ADCY1: variants seen among roughly 807,000 people sequenced by gnomAD.
ADCY1 encodes adenylate cyclase 1.
ADCY1 carries 28 observed loss-of-function variants against 105.4 expected under a neutral mutation model. The ratio of observed to expected loss-of-function variants is 0.27; its 90% CI spans 0.20 to 0.36. The LOEUF (loss-of-function observed/expected upper bound fraction) is 0.36, where lower values mean the gene tolerates loss of function less well. ADCY1 is among the 10% of genes least tolerant of loss of function. ADCY1 has a pLI of 1.00. For synonymous variants in ADCY1, 655 were observed against 623.8 expected (o/e 1.05, Z -0.75); for missense variants, 977 against 1,434.2 (o/e 0.68, Z 5.15).
chr7:45,614,818 A>G (rs1793694005), intron 3 of ADCY1, among the ~76,000 whole-genome samples: 1 of 152,244 alleles, frequency 6.6e-6, no homozygotes, highest in Non-Finnish European at 1.5e-5. Flanking sequence ...GTCAGCTCCC[A>G]GGAAGATAAA....
At position 45,719,538 on chromosome 7, in the gene ADCY1, T is replaced by C. The variant is rs185958251; in HGVS notation, c.*5543T>C. On this transcript the variant is annotated 3_prime_UTR_variant, in exon 20 of 20. Transcript: ENST00000297323. ...TGTATTTTTAAATTTCCCTGAAAAT[T>C]TAATCTATTCTGTTCCATATGAAGT... 1.6e-4 allele frequency: 24 copies of C among 152,342 alleles called. No individual in the cohort carries two copies. In the East Asian group the frequency reaches 1.9e-3, roughly 12 times the overall value. 9.4% of individuals were successfully genotyped at this position (152,342 alleles called of 1,614,324 possible).
intron 3 of ADCY1, among the ~76,000 whole-genome samples, chr7:45,610,814 A>G (rs1793538735): frequency 1.4e-5 from 2 of 143,294 alleles, no homozygotes; most frequent in Admixed American, 7.0e-5. Context: ...GTGATGGTGG[A>G]GGTATGGAGG....
intron 8 of ADCY1, among the ~76,000 whole-genome samples, chr7:45,670,278 T>C (rs1470852812): frequency 6.6e-6 from 1 of 152,194 alleles, no homozygotes; most frequent in South Asian, 2.1e-4. Flanking sequence ...GAAGGACGGC[T>C]ACCTTCCTCT....
chr7:45,596,581 G>T (rs767305097), intron 2 of ADCY1, among the ~76,000 whole-genome samples: 5 of 152,214 alleles, frequency 3.3e-5, no homozygotes, highest in Non-Finnish European at 7.3e-5. Flanking sequence ...CCCTGGTCCT[G>T]GGAGCCGATG....
chr7:45,667,103 C>A (rs1162284037), intron 8 of ADCY1, among the ~76,000 whole-genome samples: 1 of 152,196 alleles, frequency 6.6e-6, no homozygotes. Flanking sequence ...CTGGTAGTTT[C>A]TTTTGCTGTG....
At chr7:45,678,600 C>A (rs1232667131) in intron 10 of ADCY1, among the ~76,000 whole-genome samples, 1 of 151,612 alleles carries the variant, frequency 6.6e-6, no homozygotes, top group East Asian at 1.9e-4. Flanking sequence ...TAGCTTTTGG[C>A]TGGGTGTAGT....
intron 4 of ADCY1, among the ~76,000 whole-genome samples, chr7:45,629,081 G>A (rs1391296388): frequency 3.3e-5 from 5 of 152,114 alleles, no homozygotes; most frequent in African/African-American, 9.7e-5. Flanking sequence ...TAGACCCTTC[G>A]CAATCCCTGT....
intron 1 of ADCY1, among the ~76,000 whole-genome samples, chr7:45,586,729 T>C (rs543114678): frequency 1.3e-5 from 2 of 152,244 alleles, no homozygotes; most frequent in South Asian, 4.1e-4. Context: ...GGGGGCTCAG[T>C]CAGGGAGGGG....
intron 4 of ADCY1, among the ~76,000 whole-genome samples, chr7:45,633,082 T>C (rs1224401340): frequency 6.6e-6 from 1 of 152,136 alleles, no homozygotes; most frequent in East Asian, 1.9e-4. Context: ...CATGCCTGGC[T>C]AATTTTTGTA....
intron 8 of ADCY1, 87 bp downstream of exon 8, chr7:45,662,301 G>A: frequency 7.1e-7 from 1 of 1,416,150 alleles, no homozygotes; most frequent in African/African-American, 1.4e-5. Flanking sequence ...CGTGCCATTT[G>A]GCTAGATCAG....
At chr7:45,586,600 T>C (rs1792732709) in intron 1 of ADCY1, among the ~76,000 whole-genome samples, 1 of 152,108 alleles carries the variant, frequency 6.6e-6, no homozygotes, top group Non-Finnish European at 1.5e-5. Context: ...AGCAATTACG[T>C]TAATTTAAAA....
chr7:45,578,236 G>A (rs1169577242), intron 1 of ADCY1, among the ~76,000 whole-genome samples: 1 of 152,164 alleles, frequency 6.6e-6, no homozygotes, highest in Non-Finnish European at 1.5e-5. Flanking sequence ...AGTGCTTGAT[G>A]CTGATGTCCC....
intron 8 of ADCY1, among the ~76,000 whole-genome samples, chr7:45,676,104 A>C (rs1784451968): frequency 1.3e-5 from 2 of 150,528 alleles, no homozygotes; most frequent in Admixed American, 6.6e-5. Flanking sequence ...AATTTCTGTG[A>C]CTCTGTCTTC....
At chr7:45,694,307 A>G (rs1355032749) in intron 14 of ADCY1, among the ~76,000 whole-genome samples, 1 of 152,144 alleles carries the variant, frequency 6.6e-6, no homozygotes, top group Non-Finnish European at 1.5e-5. Flanking sequence ...ATATAATTAA[A>G]TTAGAAGTCC....
chr7:45,679,571 C>A, intron 10 of ADCY1, 138 bp from the exon 11 acceptor site: 1 of 796,790 alleles, frequency 1.3e-6, no homozygotes, highest in Non-Finnish European at 2.1e-6. Flanking sequence ...ACCTGAGTGG[C>A]AGGCATCCAG....
At position 45,662,235 on chromosome 7, in the gene ADCY1, T is replaced by C. The variant is rs370825757; in HGVS notation, c.1605+21T>C. ...ACAAGGTAGGAGCAGCCAGGGAGCC[T>C]GCCATGCTGGAGCTGCCAGGGACTG... On this transcript the variant is annotated intron_variant, in intron 8 of 19. Transcript: ENST00000297323. 1.1e-5 allele frequency: 17 copies of C among 1,607,046 alleles called. No homozygotes were observed. In the Admixed American group the frequency reaches 1.2e-4, roughly 11 times the overall value.
At chr7:45,678,287 G>A in intron 10 of ADCY1, 24 bp downstream of exon 10, 2 of 1,604,546 alleles carry the variant, frequency 1.2e-6, no homozygotes, top group Non-Finnish European at 1.7e-6. Context: ...TCAACGAGGT[G>A]AGGAACTCAC....
At chr7:45,629,587 C>T (rs956585561) in intron 4 of ADCY1, among the ~76,000 whole-genome samples, 8 of 151,076 alleles carry the variant, frequency 5.3e-5, no homozygotes, top group African/African-American at 9.7e-5. Flanking sequence ...GGCGCAATCT[C>T]GGCTCACTGC....
At chr7:45,649,409 T>G (rs149225595) in intron 5 of ADCY1, among the ~76,000 whole-genome samples, 10 of 152,202 alleles carry the variant, frequency 6.6e-5, no homozygotes, top group African/African-American at 9.7e-5. Flanking sequence ...GCTGAGCTAA[T>G]GTATGGAGTG....
Sources: gnomAD v4.1 joint callset for allele counts (sites outside exome capture counted in the v4.1 genomes callset) on GRCh38, gnomAD v4.1.1 for gene constraint, MANE v1.5 for transcripts, NCBI Gene and HGNC (gene_info 2026-07-23, HGNC 2026-07-21) for gene names.